The following SGCD variants were observed in gnomAD, a reference collection of about 807,000 sequenced individuals.
The protein encoded by SGCD is delta-sarcoglycan.
SGCD carries 18 observed loss-of-function variants against 36.6 expected under a neutral mutation model. The ratio of observed to expected loss-of-function variants is 0.49; its 90% CI spans 0.34 to 0.73. SGCD has a LOEUF of 0.73. SGCD is among the 30% of genes least tolerant of loss of function. SGCD has a pLI of 0.01. For missense variants in SGCD, 387 were observed against 346.7 expected (o/e 1.12, Z -0.92); for synonymous variants, 133 against 130.6 (o/e 1.02, Z -0.12).
chr5:156,116,960 GT>G (rs1371747560), intron 1 of SGCD, among the ~76,000 whole-genome samples: 1 of 151,968 alleles, frequency 6.6e-6, no homozygotes, highest in East Asian at 1.9e-4. Context: ...GACTCTTTGG[GT>G]TTACTCAACA....
At chr5:155,947,646 T>C (rs547804489) in intron 1 of SGCD, among the ~76,000 whole-genome samples, 25 of 152,168 alleles carry the variant, frequency 1.6e-4, no homozygotes, top group African/African-American at 5.1e-4. Flanking sequence ...GAGAGAAACA[T>C]CCTAAAGAAG....
intron 3 of SGCD, among the ~76,000 whole-genome samples, chr5:156,415,565 G>T (rs999492628): frequency 6.6e-6 from 1 of 152,120 alleles, no homozygotes; most frequent in African/African-American, 2.4e-5. Context: ...TCCTTGACTG[G>T]TCTTGACACG....
intron 1 of SGCD, among the ~76,000 whole-genome samples, chr5:155,881,945 A>G (rs1297645620): frequency 6.6e-6 from 1 of 152,104 alleles, no homozygotes; most frequent in Non-Finnish European, 1.5e-5. Flanking sequence ...TTGAGGCTCC[A>G]CTTATTCTAA....
chr5:155,862,154 A>C, the SGCD span, among the ~76,000 whole-genome samples: 2 of 152,152 alleles, frequency 1.3e-5, no homozygotes, highest in Admixed American at 6.5e-5. Context: ...CTAGGATGCA[A>C]ATGGTGTTTT....
intron 4 of SGCD, among the ~76,000 whole-genome samples, chr5:156,567,753 C>T (rs55634634): frequency 6.6e-6 from 1 of 152,034 alleles, no homozygotes; most frequent in Non-Finnish European, 1.5e-5. Flanking sequence ...TTTGCAGCTT[C>T]TTAGAATGTA....
At chr5:155,884,879 G>A (rs1302282508) in intron 1 of SGCD, among the ~76,000 whole-genome samples, 2 of 118,432 alleles carry the variant, frequency 1.7e-5, no homozygotes, top group Non-Finnish European at 3.3e-5. Flanking sequence ...AATAATACAT[G>A]ATCAATAAGT....
chr5:156,074,657 G>T (rs891010294), intron 1 of SGCD, among the ~76,000 whole-genome samples: 6 of 152,066 alleles, frequency 3.9e-5, no homozygotes, highest in Non-Finnish European at 8.8e-5. Context: ...TCAAGCCCGG[G>T]CAAGAAAGCG....
chr5:156,609,089 G>A (rs1581248970), intron 6 of SGCD, among the ~76,000 whole-genome samples: 1 of 151,884 alleles, frequency 6.6e-6, no homozygotes, highest in East Asian at 1.9e-4. Flanking sequence ...CTGTCATGAT[G>A]ATGTTAGCTG....
chr5:156,321,385 A>G (rs1422061118), intron 3 of SGCD, among the ~76,000 whole-genome samples: 1 of 152,170 alleles, frequency 6.6e-6, no homozygotes, highest in Non-Finnish European at 1.5e-5. Context: ...GCACCACTGC[A>G]CTCCAGCCTG....
chr5:155,991,287 A>C (rs577508826), intron 1 of SGCD, among the ~76,000 whole-genome samples: 14 of 152,338 alleles, frequency 9.2e-5, no homozygotes, highest in African/African-American at 3.1e-4. Context: ...TCAAACTTTC[A>C]TTTAAAGGCT....
intron 3 of SGCD, among the ~76,000 whole-genome samples, chr5:156,455,136 T>G (rs2127810496): frequency 6.6e-6 from 1 of 152,202 alleles, no homozygotes; most frequent in South Asian, 2.1e-4. Flanking sequence ...ATTGTTAGGG[T>G]TGAATTATGT....
chr5:156,538,649 C>T (rs1489861829), intron 4 of SGCD, among the ~76,000 whole-genome samples: 1 of 152,078 alleles, frequency 6.6e-6, no homozygotes, highest in Non-Finnish European at 1.5e-5. Flanking sequence ...CCTCTCTGAG[C>T]TCTTTCTGCT....
chr5:156,476,015 T>A (rs1014855749), intron 3 of SGCD, among the ~76,000 whole-genome samples: 1 of 152,206 alleles, frequency 6.6e-6, no homozygotes, highest in Non-Finnish European at 1.5e-5. Flanking sequence ...TGTTTTGACT[T>A]GCCGTGGCTG....
intron 1 of SGCD, among the ~76,000 whole-genome samples, chr5:155,957,946 GGTAGTCCT>G (rs1757700972): frequency 6.6e-6 from 1 of 152,114 alleles, no homozygotes; most frequent in Non-Finnish European, 1.5e-5. Context: ...GTTGTAGGTA[GGTAGTCCT>G]GGGAACTTGT....
intron 1 of SGCD, among the ~76,000 whole-genome samples, chr5:156,001,330 A>G (rs1324935109): frequency 6.6e-6 from 1 of 152,246 alleles, no homozygotes; most frequent in Non-Finnish European, 1.5e-5. Flanking sequence ...TTTTTGAGTC[A>G]AAAAATAGAG....
intron 3 of SGCD, among the ~76,000 whole-genome samples, chr5:156,188,676 C>T (rs1039087846): frequency 1.0e-4 from 14 of 136,056 alleles, no homozygotes; most frequent in African/African-American, 2.9e-4. Context: ...CCGCCCCCCC[C>T]GACACACATA....
chr5:156,051,767 G>A (rs1331108237), intron 1 of SGCD, among the ~76,000 whole-genome samples: 1 of 145,864 alleles, frequency 6.9e-6, no homozygotes, highest in Non-Finnish European at 1.5e-5. Flanking sequence ...GCTTAGGAAG[G>A]AGATTGAAGA....
the SGCD span, among the ~76,000 whole-genome samples, chr5:155,827,534 T>C: frequency 6.6e-6 from 1 of 152,176 alleles, no homozygotes; most frequent in Admixed American, 6.5e-5. Context: ...CTGTTTGTTT[T>C]CTGTTTGTTT....
chr5:155,922,955 A>T (rs1035875233), intron 1 of SGCD, among the ~76,000 whole-genome samples: 5 of 152,188 alleles, frequency 3.3e-5, no homozygotes, highest in African/African-American at 1.2e-4. Flanking sequence ...TGGGGAAGGG[A>T]TCGATTTCTT....
Sources: allele counts gnomAD v4.1 joint callset (sites outside exome capture counted in the v4.1 genomes callset), GRCh38; gene constraint gnomAD v4.1.1; transcripts MANE v1.5; gene names NCBI Gene and HGNC (gene_info 2026-07-23, HGNC 2026-07-21).